Variants in LSAMP observed in about 807,000 individuals in gnomAD.
LSAMP encodes limbic system associated membrane protein, also known as limbic system-associated membrane protein.
LSAMP carries 7 observed loss-of-function variants against 38.6 expected under a neutral mutation model. That is an observed-to-expected ratio of 0.18 (90% confidence interval 0.10 to 0.34). The LOEUF (loss-of-function observed/expected upper bound fraction) is 0.34, where lower values mean the gene tolerates loss of function less well. Ranked by LOEUF, LSAMP falls within the 10% of genes least tolerant of loss-of-function variation. The pLI, the probability that LSAMP is intolerant of heterozygous loss-of-function variation, is 1.00. For synonymous variants in LSAMP, 154 were observed against 166.8 expected, an observed-to-expected ratio of 0.92 and a Z score of 0.59; for missense variants, 313 against 420.0, an observed-to-expected ratio of 0.75 and a Z score of 2.23.
intron 1 of LSAMP, among the ~76,000 whole-genome samples, chr3:116,286,198 T>C (rs937233709): frequency 1.3e-5 from 2 of 152,216 alleles, no homozygotes; most frequent in Non-Finnish European, 2.9e-5. Context: ...TCTGCAGCTC[T>C]GGCAGACATC....
intron 1 of LSAMP, among the ~76,000 whole-genome samples, chr3:116,370,752 G>A (rs1177245823): frequency 6.6e-6 from 1 of 152,094 alleles, no homozygotes; most frequent in Non-Finnish European, 1.5e-5. Flanking sequence ...CTGAAATAGA[G>A]AACAGAAATA....
intron 3 of LSAMP, among the ~76,000 whole-genome samples, chr3:115,868,662 G>T (rs569602079): frequency 6.6e-6 from 1 of 152,076 alleles, no homozygotes; most frequent in African/African-American, 2.4e-5. Context: ...TTAAAATGAG[G>T]TTGACACATA....
At chr3:116,425,508 A>AT (rs527643193) in intron 1 of LSAMP, among the ~76,000 whole-genome samples, 47 of 152,268 alleles carry the variant, frequency 3.1e-4, no homozygotes, top group Non-Finnish European at 6.6e-4. Flanking sequence ...TAGAAAAGTC[A>AT]TTTTTTCTTG....
At chr3:116,144,562 C>CTTTTTTTTTT (rs3071080) in intron 1 of LSAMP, among the ~76,000 whole-genome samples, 4 of 142,146 alleles carry the variant, frequency 2.8e-5, no homozygotes, top group Non-Finnish European at 4.6e-5. Context: ...CATCACCTTA[C>CTTTTTTTTTT]TTTTTTTTTT....
intron 3 of LSAMP, among the ~76,000 whole-genome samples, chr3:115,968,981 T>C (rs918350597): frequency 6.6e-6 from 1 of 152,180 alleles, no homozygotes. Context: ...AAAGCAGCAC[T>C]GAGTTCCAAT....
At chr3:116,131,825 T>C (rs1224794769) in intron 1 of LSAMP, among the ~76,000 whole-genome samples, 1 of 150,586 alleles carries the variant, frequency 6.6e-6, no homozygotes, top group African/African-American at 2.5e-5. Flanking sequence ...AAATTTCTTT[T>C]CTTTTTCTTT....
intron 3 of LSAMP, among the ~76,000 whole-genome samples, chr3:115,994,411 A>G (rs1030217828): frequency 6.6e-6 from 1 of 152,100 alleles, no homozygotes; most frequent in Non-Finnish European, 1.5e-5. Context: ...TCATTTGGTA[A>G]TGCAACCTGA....
chr3:116,022,446 A>C (rs1393673396), intron 2 of LSAMP, among the ~76,000 whole-genome samples: 1 of 152,116 alleles, frequency 6.6e-6, no homozygotes, highest in Admixed American at 6.5e-5. Context: ...CCTCAAATGA[A>C]ATTACTGTCA....
chr3:116,421,453 C>T (rs772950033), intron 1 of LSAMP, among the ~76,000 whole-genome samples: 45 of 151,216 alleles, frequency 3.0e-4, no homozygotes, highest in Non-Finnish European at 3.7e-4. Flanking sequence ...GCCTGTAATC[C>T]CAGCTACTTG....
chr3:116,154,893 A>T (rs1276673924), intron 1 of LSAMP, among the ~76,000 whole-genome samples: 1 of 152,198 alleles, frequency 6.6e-6, no homozygotes, highest in Non-Finnish European at 1.5e-5. Context: ...TGAAATAGCC[A>T]TCTAGGTAGG....
intron 1 of LSAMP, among the ~76,000 whole-genome samples, chr3:116,437,912 G>A (rs2049376968): frequency 6.6e-6 from 1 of 152,026 alleles, no homozygotes; most frequent in Non-Finnish European, 1.5e-5. Flanking sequence ...AAATGAGATG[G>A]TGGACTGCCT....
At chr3:115,880,902 G>C (rs980667023) in intron 3 of LSAMP, among the ~76,000 whole-genome samples, 7 of 152,026 alleles carry the variant, frequency 4.6e-5, no homozygotes, top group African/African-American at 1.4e-4. Flanking sequence ...GCCAGGTGTG[G>C]TAGCGGGCAC....
intron 1 of LSAMP, among the ~76,000 whole-genome samples, chr3:116,357,376 T>C (rs1300519846): frequency 2.0e-5 from 3 of 152,158 alleles, no homozygotes; most frequent in African/African-American, 7.2e-5. Flanking sequence ...CTTTGAGAAA[T>C]AGGAATCTTT....
chr3:116,066,114 G>T (rs1559729080), intron 2 of LSAMP, among the ~76,000 whole-genome samples: 1 of 152,082 alleles, frequency 6.6e-6, no homozygotes, highest in Non-Finnish European at 1.5e-5. Context: ...GTGCCAACAG[G>T]TTTGGTGTCT....
chr3:116,312,646 CCT>C (rs2047572461), intron 1 of LSAMP, among the ~76,000 whole-genome samples: 1 of 152,154 alleles, frequency 6.6e-6, no homozygotes, highest in Non-Finnish European at 1.5e-5. Context: ...TTAGCAGCTA[CCT>C]ACATTCCCCT....
chr3:116,064,408 G>A (rs1025355652), intron 2 of LSAMP, among the ~76,000 whole-genome samples: 5 of 151,786 alleles, frequency 3.3e-5, no homozygotes, highest in Admixed American at 1.3e-4. Flanking sequence ...CCAGCTACTC[G>A]GGAGGCTGAG....
intron 1 of LSAMP, among the ~76,000 whole-genome samples, chr3:116,299,072 A>C (rs1053597948): frequency 6.6e-6 from 1 of 152,192 alleles, no homozygotes; most frequent in Non-Finnish European, 1.5e-5. Context: ...CAGAGCACAG[A>C]GTCTTTTTAA....
At chr3:116,027,316 C>T (rs1295632978) in intron 2 of LSAMP, among the ~76,000 whole-genome samples, 3 of 152,110 alleles carry the variant, frequency 2.0e-5, no homozygotes, top group Non-Finnish European at 4.4e-5. Context: ...AGAGTAACCA[C>T]CTAAAAGGAC....
chr3:115,871,623 GA>G (rs756209085), intron 3 of LSAMP, among the ~76,000 whole-genome samples: 28,769 of 150,916 alleles, frequency 0.19, 3,563 homozygotes, highest in African/African-American at 0.33. Context: ...GTGTGTAAGA[GA>G]GACAGACAGA....
Sources: gnomAD v4.1 joint callset for allele counts (sites outside exome capture counted in the v4.1 genomes callset) on GRCh38, gnomAD v4.1.1 for gene constraint, MANE v1.5 for transcripts, NCBI Gene and HGNC (gene_info 2026-07-23, HGNC 2026-07-21) for gene names.